ASTN1: variants seen among roughly 807,000 people sequenced by gnomAD.
ASTN1 encodes astrotactin 1.
In ASTN1, 41 loss-of-function variants were observed where a neutral mutation model predicts 140.7. The observed-to-expected ratio is 0.29, with a 90% CI of 0.23 to 0.38. The LOEUF (loss-of-function observed/expected upper bound fraction) is 0.38, where lower values mean the gene tolerates loss of function less well. Ranked by LOEUF, ASTN1 falls within the 10% of genes least tolerant of loss-of-function variation. ASTN1 has a pLI of 1.00. For synonymous variants in ASTN1, 640 were observed against 652.2 expected, an observed-to-expected ratio of 0.98 and a Z score of 0.29; for missense variants, 1,479 against 1,678.8, an observed-to-expected ratio of 0.88 and a Z score of 2.08.
chr1:176,920,452 T>C (rs1175280402), intron 16 of ASTN1, among the ~76,000 whole-genome samples: 1 of 152,224 alleles, frequency 6.6e-6, no homozygotes, highest in Non-Finnish European at 1.5e-5. Flanking sequence ...ATGCTTTATG[T>C]TGCAAGTTCT....
chr1:177,087,083 TCTC>T (rs1428333987), intron 1 of ASTN1, among the ~76,000 whole-genome samples: 1 of 152,164 alleles, frequency 6.6e-6, no homozygotes, highest in Non-Finnish European at 1.5e-5. Flanking sequence ...AAAGAGCTGT[TCTC>T]CTCCTGGCAG....
At chr1:177,145,986 C>G (rs1164877040) in intron 1 of ASTN1, among the ~76,000 whole-genome samples, 1 of 152,092 alleles carries the variant, frequency 6.6e-6, no homozygotes, top group East Asian at 1.9e-4. Context: ...GTATATCTAC[C>G]AATGTTTACC....
chr1:176,881,648 A>G (rs1668804495), intron 20 of ASTN1, among the ~76,000 whole-genome samples: 1 of 152,186 alleles, frequency 6.6e-6, no homozygotes, highest in Non-Finnish European at 1.5e-5. Context: ...CATTGGTGGA[A>G]TCACCCAAAA....
intron 17 of ASTN1, among the ~76,000 whole-genome samples, chr1:176,891,256 T>A (rs1222548340): frequency 6.6e-6 from 1 of 152,224 alleles, no homozygotes; most frequent in African/African-American, 2.4e-5. Context: ...AGGAAAGAAA[T>A]AAAATTTTCC....
intron 1 of ASTN1, among the ~76,000 whole-genome samples, chr1:177,113,958 T>G (rs887325772): frequency 2.6e-5 from 4 of 152,164 alleles, no homozygotes; most frequent in African/African-American, 9.7e-5. Flanking sequence ...AGTGTAGTAG[T>G]TAGATAAACT....
chr1:177,003,449 T>A (rs965554027), intron 8 of ASTN1, among the ~76,000 whole-genome samples: 1 of 152,108 alleles, frequency 6.6e-6, no homozygotes, highest in Admixed American at 6.6e-5. Context: ...CAACTCTTTA[T>A]GATAAAAACT....
chr1:177,055,139 C>T (rs973221594), intron 2 of ASTN1, among the ~76,000 whole-genome samples: 12 of 152,128 alleles, frequency 7.9e-5, no homozygotes, highest in African/African-American at 1.9e-4. Context: ...TTCCAAAAAG[C>T]GCAGCAAATT....
At position 177,150,129 on chromosome 1, in the gene ASTN1, G is replaced by A. The variant is rs182507475; in HGVS notation, c.283+14265C>T. ...GAAATTGGAGATAATATGCCTGATA[G>A]CCTCAACTACAAGGCAACATCTTAT... On this transcript the variant is annotated intron_variant, in intron 1 of 22. Coordinates refer to ENST00000361833, the MANE Select transcript of ASTN1 (RefSeq NM_004319.3). Among the ~76,000 whole-genome samples, 14 of 152,078 alleles carry A rather than the reference G, an allele frequency of 9.2e-5. No individual in the cohort carries two copies. The East Asian group carries it at 2.7e-3, about 30-fold the overall frequency.
intron 1 of ASTN1, among the ~76,000 whole-genome samples, chr1:177,095,904 A>G (rs1346935098): frequency 1.3e-5 from 2 of 152,206 alleles, no homozygotes; most frequent in Non-Finnish European, 2.9e-5. Flanking sequence ...CAGCAAAGCC[A>G]TGGGGGAATG....
At chr1:176,945,836 C>A in intron 13 of ASTN1, 90 bp downstream of exon 13, 1 of 1,327,182 alleles carries the variant, frequency 7.5e-7, no homozygotes, top group Non-Finnish European at 1.0e-6. Flanking sequence ...TTACCCTGCT[C>A]CAACATATAA....
At chr1:177,164,314 G>T in intron 1 of ASTN1, 80 bp downstream of exon 1, 1 of 1,396,980 alleles carries the variant, frequency 7.2e-7, no homozygotes, top group Middle Eastern at 1.9e-4. Flanking sequence ...TCGGCGAGTG[G>T]GTGTGTAGAG....
intron 11 of ASTN1, 64 bp from the exon 12 acceptor site, chr1:176,949,415 G>T: frequency 6.6e-7 from 1 of 1,519,662 alleles, no homozygotes; most frequent in South Asian, 1.2e-5. Flanking sequence ...TCTGGGAACT[G>T]AGTGTAACCA....
chr1:177,096,063 G>C (rs1324399064), intron 1 of ASTN1, among the ~76,000 whole-genome samples: 1 of 152,160 alleles, frequency 6.6e-6, no homozygotes, highest in East Asian at 1.9e-4. Flanking sequence ...CTCAGGACTT[G>C]TCACTAGATT....
At chr1:177,045,771 C>G (rs1018440863) in intron 2 of ASTN1, among the ~76,000 whole-genome samples, 1 of 152,050 alleles carries the variant, frequency 6.6e-6, no homozygotes, top group Admixed American at 6.6e-5. Context: ...CTAACCTGAA[C>G]GTTAATCTAA....
chr1:176,857,604 C>A, downstream of ASTN1: 1 of 611,298 alleles, frequency 1.6e-6, no homozygotes, highest in Non-Finnish European at 3.0e-6. Context: ...TTCTTCCTTT[C>A]CTCCAATCAT....
intron 1 of ASTN1, among the ~76,000 whole-genome samples, chr1:177,089,422 A>C (rs148815907): frequency 0.011 from 1,667 of 152,164 alleles, 17 homozygotes; most frequent in Middle Eastern, 0.037. Context: ...CTTGAGGGGG[A>C]GGGAGAGAAA....
chr1:176,962,747 G>A (rs1358132197), intron 9 of ASTN1, among the ~76,000 whole-genome samples: 2 of 152,112 alleles, frequency 1.3e-5, no homozygotes, highest in Non-Finnish European at 2.9e-5. Flanking sequence ...ACACCTTCCA[G>A]AACTTATGAA....
At chr1:176,906,014 G>A (rs559544705) in intron 16 of ASTN1, among the ~76,000 whole-genome samples, 2 of 152,350 alleles carry the variant, frequency 1.3e-5, no homozygotes, top group South Asian at 2.1e-4. Context: ...GCCGAGGGAT[G>A]GATCTCAGAT....
chr1:176,857,549 A>G, downstream of ASTN1: 1 of 494,984 alleles, frequency 2.0e-6, no homozygotes, highest in South Asian at 3.7e-5. Flanking sequence ...GATGCTGGAG[A>G]TGCCATCTGA....
Sources: allele counts gnomAD v4.1 joint callset (sites outside exome capture counted in the v4.1 genomes callset), GRCh38; gene constraint gnomAD v4.1.1; transcripts MANE v1.5; gene names NCBI Gene and HGNC (gene_info 2026-07-23, HGNC 2026-07-21).